The following MCU variants were observed in gnomAD, a reference collection of about 807,000 sequenced individuals.
MCU encodes calcium uniporter protein, mitochondrial.
Under a neutral mutation model 45.2 loss-of-function variants are expected in MCU, and 12 were observed. The observed-to-expected ratio is 0.27, with a 90% CI of 0.17 to 0.43. The LOEUF (loss-of-function observed/expected upper bound fraction) is 0.43, where lower values mean the gene tolerates loss of function less well. Ranked by LOEUF, MCU falls within the 20% of genes least tolerant of loss-of-function variation. The pLI, the probability that MCU is intolerant of heterozygous loss-of-function variation, is 1.00. For missense variants in MCU, 324 were observed against 436.7 expected, an observed-to-expected ratio of 0.74 and a Z score of 2.30; for synonymous variants, 160 against 165.1, an observed-to-expected ratio of 0.97 and a Z score of 0.24.
chr10:72,712,563 A>G (rs958573705), intron 1 of MCU, among the ~76,000 whole-genome samples: 2 of 152,098 alleles, frequency 1.3e-5, no homozygotes, highest in African/African-American at 4.8e-5. Context: ...TATCTGCTTT[A>G]TTTTGTAAAA....
At chr10:72,752,985 A>G (rs1843524203) in intron 1 of MCU, among the ~76,000 whole-genome samples, 1 of 152,224 alleles carries the variant, frequency 6.6e-6, no homozygotes, top group Admixed American at 6.5e-5. Context: ...TGGTTTCTGC[A>G]TGACATGTGG....
chr10:72,712,959 A>G (rs1307427723), intron 1 of MCU, among the ~76,000 whole-genome samples: 1 of 152,210 alleles, frequency 6.6e-6, no homozygotes, highest in Non-Finnish European at 1.5e-5. Context: ...GGGAAACACT[A>G]ATAAATTGGA....
intron 1 of MCU, among the ~76,000 whole-genome samples, chr10:72,751,143 G>A (rs543050080): frequency 6.6e-6 from 1 of 151,552 alleles, no homozygotes; most frequent in African/African-American, 2.4e-5. Context: ...TGGGATTACA[G>A]GCACACGCCA....
At chr10:72,772,508 C>A (rs1843826575) in intron 1 of MCU, among the ~76,000 whole-genome samples, 1 of 152,202 alleles carries the variant, frequency 6.6e-6, no homozygotes, top group Non-Finnish European at 1.5e-5. Context: ...ACCAGCCTGG[C>A]CAGCATGGCA....
At position 72,751,739 on chromosome 10, in the gene MCU, G is replaced by A. The variant is rs138034478; in HGVS notation, c.150+59438G>A. Reference sequence around the variant, plus strand: ...GAGACATTGTTATTAATCCCTCAGTGTCATTCCTTTGAGACATTGTTATTA... The same window carrying A: ...GAGACATTGTTATTAATCCCTCAGTATCATTCCTTTGAGACATTGTTATTA... On this transcript the variant is annotated intron_variant, in intron 1 of 7. Coordinates refer to ENST00000373053, the MANE Select transcript of MCU (RefSeq NM_138357.3). Among the ~76,000 whole-genome samples, 134 of 152,042 alleles carry A rather than the reference G, an allele frequency of 8.8e-4. 1 individual carries two copies. Among genetic ancestry groups the A allele is most frequent in the Non-Finnish European group, 1.6e-3 (106 of 67,996 alleles).
intron 1 of MCU, among the ~76,000 whole-genome samples, chr10:72,783,458 C>T (rs1844025206): frequency 6.7e-6 from 1 of 150,370 alleles, no homozygotes. Context: ...GGAGGCTTTG[C>T]ATATGCCATG....
chr10:72,706,575 G>A (rs1253992292), intron 1 of MCU, among the ~76,000 whole-genome samples: 2 of 148,670 alleles, frequency 1.3e-5, no homozygotes, highest in Non-Finnish European at 3.0e-5. Flanking sequence ...GTCTCGCTCT[G>A]TCGCCAGGCT....
chr10:72,715,051 T>G (rs1842941738), intron 1 of MCU: 1 of 366,980 alleles, frequency 2.7e-6, no homozygotes, highest in South Asian at 1.1e-4. Context: ...GTACCCACAT[T>G]AGCAGGCTCA....
chr10:72,717,596 A>G (rs1589430187), intron 1 of MCU, among the ~76,000 whole-genome samples: 1 of 152,130 alleles, frequency 6.6e-6, no homozygotes, highest in Non-Finnish European at 1.5e-5. Flanking sequence ...TGCTTATAGT[A>G]TATACTCAGA....
Position 72,885,841 on chromosome 10 carries a change from A to C in MCU, c.*19A>C. On this transcript the variant is annotated 3_prime_UTR_variant, in exon 8 of 8. Transcript: ENST00000373053. ...AGATTGATCTGCAAAAAGCCTCTGA[A>C]TCCTGGCAGAAGGAACACCTGTTTG... 1 of 1,604,420 alleles carries C rather than the reference A, an allele frequency of 6.2e-7. No individual in the cohort carries two copies. The highest frequency in any genetic ancestry group is 8.5e-7 in the Non-Finnish European group (1 of 1,171,436).
At chr10:72,762,365 C>G (rs1843667867) in intron 1 of MCU, among the ~76,000 whole-genome samples, 1 of 151,956 alleles carries the variant, frequency 6.6e-6, no homozygotes, top group South Asian at 2.1e-4. Flanking sequence ...CTAAATCATT[C>G]CTAATGACAA....
chr10:72,747,765 G>A (rs1316024487), intron 1 of MCU, among the ~76,000 whole-genome samples: 1 of 152,030 alleles, frequency 6.6e-6, no homozygotes. Flanking sequence ...GAGCCTGGGA[G>A]GTCGCAGCTG....
chr10:72,800,345 G>A (rs1192786676), intron 1 of MCU, among the ~76,000 whole-genome samples: 5 of 152,182 alleles, frequency 3.3e-5, no homozygotes, highest in Admixed American at 6.5e-5. Context: ...TGTATAAGGT[G>A]TATATGAAAC....
chr10:72,837,269 A>G (rs746496309), intron 2 of MCU, among the ~76,000 whole-genome samples: 2 of 151,982 alleles, frequency 1.3e-5, no homozygotes, highest in Non-Finnish European at 2.9e-5. Flanking sequence ...AGAAGAATTT[A>G]TATAAACATA....
intron 1 of MCU, among the ~76,000 whole-genome samples, chr10:72,767,739 T>A (rs1455954552): frequency 1.3e-5 from 2 of 152,148 alleles, no homozygotes; most frequent in Non-Finnish European, 2.9e-5. Flanking sequence ...GAGTGCTGAG[T>A]CTTTCCCTTT....
chr10:72,805,430 G>A (rs535385684), intron 1 of MCU, among the ~76,000 whole-genome samples: 83 of 151,568 alleles, frequency 5.5e-4, no homozygotes, highest in African/African-American at 1.9e-3. Flanking sequence ...TTGTATTTTA[G>A]TGACAACAGA....
intron 1 of MCU, among the ~76,000 whole-genome samples, chr10:72,715,548 T>C (rs751168077): frequency 6.6e-6 from 1 of 152,138 alleles, no homozygotes; most frequent in Non-Finnish European, 1.5e-5. Context: ...CCTGGAAATT[T>C]AATAGGGTGT....
At chr10:72,873,206 G>A (rs1237084412) in intron 6 of MCU, among the ~76,000 whole-genome samples, 1 of 151,736 alleles carries the variant, frequency 6.6e-6, no homozygotes, top group Non-Finnish European at 1.5e-5. Flanking sequence ...TTTTAGTAGA[G>A]ACGGGGTTTC....
At chr10:72,695,867 TA>T (rs1251817394) in intron 1 of MCU, among the ~76,000 whole-genome samples, 1 of 151,774 alleles carries the variant, frequency 6.6e-6, no homozygotes, top group Non-Finnish European at 1.5e-5. Context: ...CCCAGCTAAT[TA>T]AAAAAATTTT....
Sources: gnomAD v4.1 joint callset for allele counts (sites outside exome capture counted in the v4.1 genomes callset) on GRCh38, gnomAD v4.1.1 for gene constraint, MANE v1.5 for transcripts, NCBI Gene and HGNC (gene_info 2026-07-23, HGNC 2026-07-21) for gene names.